Variants in PTK2 observed in about 807,000 individuals in gnomAD.
The protein encoded by PTK2 is focal adhesion kinase 1.
PTK2 carries 45 observed loss-of-function variants against 150.1 expected under a neutral mutation model. That is an observed-to-expected ratio of 0.30 (90% confidence interval 0.24 to 0.38). The LOEUF (loss-of-function observed/expected upper bound fraction) is 0.38. PTK2 is among the 10% of genes least tolerant of loss of function. The probability of loss-of-function intolerance (pLI) is 1.00; values close to 1 mark genes in which losing one functional copy is unlikely to be tolerated. For missense variants in PTK2, 919 were observed against 1,307.3 expected (o/e 0.70, Z 4.58); for synonymous variants, 432 against 449.2 (o/e 0.96, Z 0.48).
intron 1 of PTK2, among the ~76,000 whole-genome samples, chr8:140,966,021 T>C (rs1271005449): frequency 6.6e-6 from 1 of 150,862 alleles, no homozygotes; most frequent in Non-Finnish European, 1.5e-5. Context: ...GTTGGAAGCA[T>C]TTCTTCTTTC....
intron 26 of PTK2, among the ~76,000 whole-genome samples, chr8:140,693,609 C>A (rs2100024559): frequency 2.4e-5 from 3 of 122,654 alleles, no homozygotes; most frequent in Admixed American, 9.0e-5. Flanking sequence ...AAAAGGAGCA[C>A]TAGGTATAGT....
intron 27 of PTK2, among the ~76,000 whole-genome samples, chr8:140,680,922 GT>G (rs2100016541): frequency 6.6e-6 from 1 of 152,178 alleles, no homozygotes; most frequent in South Asian, 2.1e-4. Context: ...CAACTCAGTA[GT>G]TTCACCCTTA....
chr8:140,676,073 A>G (rs1408534232), intron 27 of PTK2, among the ~76,000 whole-genome samples: 1 of 152,202 alleles, frequency 6.6e-6, no homozygotes, highest in East Asian at 1.9e-4. Context: ...AATACTATTT[A>G]ACCACAAAAA....
chr8:140,667,955 T>C (rs1047526013), intron 30 of PTK2, among the ~76,000 whole-genome samples: 2 of 152,236 alleles, frequency 1.3e-5, no homozygotes, highest in African/African-American at 4.8e-5. Context: ...GGCATCATAC[T>C]GTAAGCATAC....
At chr8:140,951,450 G>T (rs1569437004) in intron 1 of PTK2, among the ~76,000 whole-genome samples, 1 of 152,188 alleles carries the variant, frequency 6.6e-6, no homozygotes, top group East Asian at 1.9e-4. Flanking sequence ...TACACATATG[G>T]ACTGACCATC....
rs183692993 is a variant in PTK2, at chr8:140,760,284, G to T, written c.1332+881C>A. Among the ~76,000 whole-genome samples the T allele has an allele frequency of 1.8e-3, 271 of 152,118 alleles. 1 individual carries two copies. Among genetic ancestry groups the T allele is most frequent in the Non-Finnish European group, 2.6e-3 (180 of 67,990 alleles). On this transcript the variant is annotated intron_variant, in intron 16 of 31. Coordinates refer to ENST00000522684, the Ensembl canonical transcript of PTK2. ...TCCACAGAAAAACTCATATATGAAT[G>T]TTCACAGAAACATTTTAATAGTCAA... is the stretch of plus-strand genomic sequence containing the variant.
At chr8:140,852,274 C>T (rs2100129764) in intron 5 of PTK2, among the ~76,000 whole-genome samples, 1 of 152,158 alleles carries the variant, frequency 6.6e-6, no homozygotes, top group Non-Finnish European at 1.5e-5. Flanking sequence ...TTAAATATAA[C>T]GTATAAACAA....
At chr8:140,664,065 C>A (rs1054572641) in intron 31 of PTK2, among the ~76,000 whole-genome samples, 15 of 152,054 alleles carry the variant, frequency 9.9e-5, no homozygotes, top group African/African-American at 3.4e-4. Context: ...CTCACTGCAA[C>A]CTCCACCTCC....
intron 16 of PTK2, among the ~76,000 whole-genome samples, chr8:140,754,801 G>C (rs1166136263): frequency 6.6e-6 from 1 of 152,208 alleles, no homozygotes; most frequent in East Asian, 1.9e-4. Flanking sequence ...CAGAGGTCTA[G>C]GGAATGCTGA....
At chr8:140,784,728 T>TA (rs553711841) in intron 14 of PTK2, among the ~76,000 whole-genome samples, 26 of 151,936 alleles carry the variant, frequency 1.7e-4, no homozygotes, top group South Asian at 1.0e-3. Context: ...TAATTAGGCT[T>TA]AAAAAAAAGA....
chr8:140,815,145 G>C (rs2100103956), intron 10 of PTK2, among the ~76,000 whole-genome samples: 1 of 151,598 alleles, frequency 6.6e-6, no homozygotes, highest in Non-Finnish European at 1.5e-5. Context: ...CCAAGACATG[G>C]AATCAACCTA....
rs1366280943 is a variant in PTK2 at position 140,703,179 on chromosome 8, A to C, written c.2230-472T>G. On this transcript the variant is annotated intron_variant, in intron 24 of 31. Transcript: ENST00000522684. ...GCTAATTGGGAGGCTAAGGCAGGAG[A>C]ATGAACCCGGGAGGCGGAGCTTGCA... Among the ~76,000 whole-genome samples the C allele has an allele frequency of 2.6e-5, 4 of 152,038 alleles. No homozygotes were observed. The East Asian group carries it at 7.7e-4, about 29-fold the overall frequency.
rs143110774 is a variant in PTK2, at chr8:140,690,245, C to T, written c.2500-3551G>A. ...GGGATTACAGGCGTGAGCCACCGCG[C>T]CAGGCCAACAGTTTCTATTTTTAAG... is the stretch of plus-strand genomic sequence containing the variant. On this transcript the variant is annotated intron_variant, in intron 26 of 31. Coordinates refer to ENST00000522684, the Ensembl canonical transcript of PTK2. 2.2e-4 allele frequency among the ~76,000 whole-genome samples: 33 copies of T among 152,328 alleles called. No individual in the cohort carries two copies. The East Asian group carries it at 6.4e-3, about 29-fold the overall frequency.
chr8:140,750,689 G>A (rs1318300189), intron 17 of PTK2, among the ~76,000 whole-genome samples: 3 of 152,186 alleles, frequency 2.0e-5, no homozygotes, highest in Non-Finnish European at 2.9e-5. Flanking sequence ...TGCTCTTTAA[G>A]AGCTTACATT....
At chr8:140,816,276 A>G (rs534384607) in intron 10 of PTK2, among the ~76,000 whole-genome samples, 2 of 152,322 alleles carry the variant, frequency 1.3e-5, no homozygotes, top group African/African-American at 4.8e-5. Context: ...TTGGTTTAAT[A>G]TGGAAGACCT....
intron 22 of PTK2, among the ~76,000 whole-genome samples, chr8:140,731,226 C>T (rs2100049106): frequency 6.6e-6 from 1 of 152,148 alleles, no homozygotes; most frequent in African/African-American, 2.4e-5. Flanking sequence ...TCCCAAACTG[C>T]TGGGATTACA....
chr8:140,820,582 CTTTT>C (rs200536728), intron 8 of PTK2: 4 of 143,152 alleles, frequency 2.8e-5, no homozygotes, highest in East Asian at 4.1e-4. Context: ...CTTTCTTCTT[CTTTT>C]TTTTTTTTTT....
chr8:140,740,885 G>A lies in PTK2; in HGVS notation c.1736-1778C>T, dbSNP rs1373840323. Among the ~76,000 whole-genome samples, 4 of 152,240 alleles carry A rather than the reference G, an allele frequency of 2.6e-5. No individual in the cohort carries two copies. The East Asian group carries it at 5.8e-4, about 22-fold the overall frequency. On this transcript the variant is annotated intron_variant, in intron 20 of 31. Coordinates refer to ENST00000522684, the Ensembl canonical transcript of PTK2. ...TAGCTGGGCACAGTGGCTCATGCCT[G>A]TAATCCCAGCACTTTGGGAGGCCAA...
intron 29 of PTK2, among the ~76,000 whole-genome samples, chr8:140,671,360 T>C (rs1414086317): frequency 6.6e-6 from 1 of 152,082 alleles, no homozygotes; most frequent in Non-Finnish European, 1.5e-5. Context: ...CAGCTGGAAT[T>C]ATAGGGTCAC....
Sources: gnomAD v4.1 joint callset for allele counts (sites outside exome capture counted in the v4.1 genomes callset) on GRCh38, gnomAD v4.1.1 for gene constraint, MANE v1.5 for transcripts, NCBI Gene and HGNC (gene_info 2026-07-23, HGNC 2026-07-21) for gene names.